Variants in PCED1B observed in about 807,000 individuals in gnomAD.
PCED1B encodes the protein PC-esterase domain-containing protein 1B.
For synonymous variants in PCED1B, 251 were observed against 246.1 expected (o/e 1.02, Z -0.19); for missense variants, 573 against 573.9 (o/e 1.00, Z 0.02).
chr12:47,131,693 G>A (rs1592179156), intron 2 of PCED1B, among the ~76,000 whole-genome samples: 1 of 98,314 alleles, frequency 1.0e-5, no homozygotes, highest in African/African-American at 1.2e-4. Flanking sequence ...TTTTTGAGAA[G>A]GAGTCTCACT....
chr12:47,163,231 A>C (rs1941444838), intron 2 of PCED1B, among the ~76,000 whole-genome samples: 1 of 152,208 alleles, frequency 6.6e-6, no homozygotes, highest in Admixed American at 6.5e-5. Flanking sequence ...TTTTTAGTGT[A>C]TAGAAATGCA....
rs1254049981 is a variant in PCED1B at position 47,235,940 on chromosome 12, C to T, written c.877C>T (p.Pro293Ser). ...TCACCCGGCCTTACCTCTGTCCCCACCCTTACCTTCCCCCACATACCGCCC... is the reference window on the plus strand; with the variant it reads ...TCACCCGGCCTTACCTCTGTCCCCATCCTTACCTTCCCCCACATACCGCCC... ...RNHPALPLSP[P>S]LPSPTYRPLL... Residue 293 changes from proline (P) to serine (S), a missense_variant, in exon 4 of 4, where the codon CCC (proline) becomes TCC (serine). Coordinates refer to ENST00000546455, the MANE Select transcript of PCED1B (RefSeq NM_138371.3). 6.2e-7 allele frequency: 1 copy of T among 1,611,992 alleles called. No individual in the cohort carries two copies.
At chr12:47,163,774 A>G (rs892606616) in intron 2 of PCED1B, among the ~76,000 whole-genome samples, 4 of 152,186 alleles carry the variant, frequency 2.6e-5, no homozygotes, top group African/African-American at 9.7e-5. Context: ...TTAGCTCACA[A>G]TTATGTAGGT....
intron 3 of PCED1B, among the ~76,000 whole-genome samples, chr12:47,234,146 G>T (rs1483326793): frequency 6.6e-6 from 1 of 152,028 alleles, no homozygotes; most frequent in African/African-American, 2.4e-5. Flanking sequence ...GCGCCACCAC[G>T]CCCGGCTAAT....
chr12:47,207,759 C>A (rs548639971), intron 2 of PCED1B, among the ~76,000 whole-genome samples: 3 of 152,320 alleles, frequency 2.0e-5, no homozygotes, highest in African/African-American at 7.2e-5. Context: ...TAACCCCTGA[C>A]TATAATCTAT....
At chr12:47,165,137 A>G (rs1318430559) in intron 2 of PCED1B, among the ~76,000 whole-genome samples, 1 of 152,140 alleles carries the variant, frequency 6.6e-6, no homozygotes, top group Non-Finnish European at 1.5e-5. Flanking sequence ...ATTTTGCTCA[A>G]TTTTCTACTG....
In PCED1B at chr12:47,173,146, T is replaced by C. The variant is rs538614789; in HGVS notation, c.-525-43076T>C. 9.8e-5 allele frequency among the ~76,000 whole-genome samples: 15 copies of C among 152,344 alleles called. No individual in the cohort carries two copies. The South Asian group carries it at 2.1e-3, about 21-fold the overall frequency. On this transcript the variant is annotated intron_variant, in intron 2 of 3. Transcript: ENST00000546455. ...CAGGCATTAAATCGGATGATTAAAC[T>C]ATGGCGGGTAGTAGAAGGAAAAAAC...
chr12:47,219,924 A>C (rs12310298), intron 3 of PCED1B, among the ~76,000 whole-genome samples: 3 of 152,048 alleles, frequency 2.0e-5, no homozygotes, highest in Admixed American at 2.0e-4. Flanking sequence ...ATTCACTGTC[A>C]ATAATGGGTG....
chr12:47,218,696 A>T, intron 3 of PCED1B, among the ~76,000 whole-genome samples: 1 of 137,322 alleles, frequency 7.3e-6, no homozygotes, highest in South Asian at 2.3e-4. Flanking sequence ...TTAGAGACAG[A>T]GGTGTAGCTT....
intron 3 of PCED1B, among the ~76,000 whole-genome samples, chr12:47,218,328 CA>C (rs57432370): frequency 0.18 from 27,356 of 152,196 alleles, 3,728 homozygotes; most frequent in African/African-American, 0.39. Context: ...TTCACCAGCA[CA>C]AGATTCTTGT....
intron 1 of PCED1B, among the ~76,000 whole-genome samples, chr12:47,097,604 G>A (rs1481049998): frequency 2.0e-5 from 3 of 152,084 alleles, no homozygotes; most frequent in Non-Finnish European, 2.9e-5. Flanking sequence ...TATGTACAAT[G>A]GATTCCAAGA....
Position 47,190,859 on chromosome 12 carries a change from C to T in PCED1B, c.-525-25363C>T, listed in dbSNP as rs117423902. ...TTTGAACATAACTGGGGGGCTTTTA[C>T]GAGTAAGGTAGATATGTGGGAGGTG... On this transcript the variant is annotated intron_variant, in intron 2 of 3. Coordinates refer to ENST00000546455, the MANE Select transcript of PCED1B (RefSeq NM_138371.3). 2.1e-4 allele frequency among the ~76,000 whole-genome samples: 32 copies of T among 152,226 alleles called. No individual in the cohort carries two copies. In the East Asian group the frequency reaches 5.0e-3, roughly 24 times the overall value.
At chr12:47,231,442 A>T (rs1049768797) in intron 3 of PCED1B, among the ~76,000 whole-genome samples, 10 of 152,020 alleles carry the variant, frequency 6.6e-5, no homozygotes, top group Non-Finnish European at 1.2e-4. Context: ...TTTTTCAGTA[A>T]GTTTATTTAT....
At chr12:47,160,742 G>T (rs931294764) in intron 2 of PCED1B, among the ~76,000 whole-genome samples, 1 of 151,864 alleles carries the variant, frequency 6.6e-6, no homozygotes, top group Non-Finnish European at 1.5e-5. Flanking sequence ...TTTGAATATG[G>T]TTTTTCCCCA....
chr12:47,089,461 C>A (rs7486709), intron 1 of PCED1B, among the ~76,000 whole-genome samples: 12 of 63,412 alleles, frequency 1.9e-4, no homozygotes, highest in African/African-American at 6.1e-4. Context: ...AAAAAAAATA[C>A]ATATATATAT....
At chr12:47,101,572 G>A (rs1012488894) in intron 1 of PCED1B, among the ~76,000 whole-genome samples, 1 of 152,088 alleles carries the variant, frequency 6.6e-6, no homozygotes, top group Non-Finnish European at 1.5e-5. Flanking sequence ...TTATCATCAT[G>A]AGCCCCCTTT....
chr12:47,116,415 G>A (rs1008813586), intron 2 of PCED1B, among the ~76,000 whole-genome samples: 1 of 152,110 alleles, frequency 6.6e-6, no homozygotes, highest in Non-Finnish European at 1.5e-5. Context: ...TATGGAAAGA[G>A]TGAAGGTCTG....
At chr12:47,147,537 CCAT>C (rs1419076035) in intron 2 of PCED1B, among the ~76,000 whole-genome samples, 1 of 152,114 alleles carries the variant, frequency 6.6e-6, no homozygotes, top group African/African-American at 2.4e-5. Context: ...TATTTACTCT[CCAT>C]ATTTCTATTG....
intron 2 of PCED1B, among the ~76,000 whole-genome samples, chr12:47,134,364 T>C (rs1373481056): frequency 6.6e-6 from 1 of 152,232 alleles, no homozygotes; most frequent in Non-Finnish European, 1.5e-5. Context: ...CCTTCCTTTC[T>C]TCCTTCAATT....
Sources: allele counts gnomAD v4.1 joint callset (sites outside exome capture counted in the v4.1 genomes callset), GRCh38; gene constraint gnomAD v4.1.1; transcripts MANE v1.5; gene names NCBI Gene and HGNC (gene_info 2026-07-23, HGNC 2026-07-21).